Variants in CADM2 observed in about 807,000 individuals in gnomAD.
The protein encoded by CADM2 is cell adhesion molecule 2.
CADM2 carries 12 observed loss-of-function variants against 49.8 expected under a neutral mutation model. The ratio of observed to expected loss-of-function variants is 0.24; its 90% CI spans 0.15 to 0.39. The LOEUF (loss-of-function observed/expected upper bound fraction) is 0.39, where lower values mean the gene tolerates loss of function less well. CADM2 is among the 10% of genes least tolerant of loss of function. The probability of loss-of-function intolerance (pLI) is 1.00; values close to 1 mark genes in which losing one functional copy is unlikely to be tolerated. For missense variants in CADM2, 378 were observed against 492.3 expected (o/e 0.77, Z 2.20); for synonymous variants, 214 against 175.4 (o/e 1.22, Z -1.74).
chr3:85,809,784 C>T (rs1428831792), intron 3 of CADM2, among the ~76,000 whole-genome samples: 8 of 96,614 alleles, frequency 8.3e-5, no homozygotes, highest in South Asian at 4.3e-4. Flanking sequence ...CTCTCTCTCT[C>T]TCTCTCTCTT....
chr3:85,331,769 C>T (rs962269543), intron 1 of CADM2, among the ~76,000 whole-genome samples: 1 of 152,026 alleles, frequency 6.6e-6, no homozygotes, highest in Non-Finnish European at 1.5e-5. Flanking sequence ...TTCTCCACAT[C>T]CTCACCAGCA....
chr3:85,247,891 G>A (rs566703558), intron 1 of CADM2, among the ~76,000 whole-genome samples: 1 of 152,140 alleles, frequency 6.6e-6, no homozygotes, highest in African/African-American at 2.4e-5. Flanking sequence ...AGTGTCTTAT[G>A]TAAAACAGAT....
chr3:84,962,140 C>CAATAAATAAATAAATA (rs34672884), intron 1 of CADM2, among the ~76,000 whole-genome samples: 2 of 148,368 alleles, frequency 1.3e-5, no homozygotes, highest in African/African-American at 2.5e-5. Flanking sequence ...GCATTAGGTC[C>CAATAAATAAATAAATA]AATAAATAAA....
chr3:86,051,026 G>A (rs926441410), intron 8 of CADM2, among the ~76,000 whole-genome samples: 1 of 152,006 alleles, frequency 6.6e-6, no homozygotes, highest in Admixed American at 6.6e-5. Flanking sequence ...CTACCACATG[G>A]CCAGGTTGAA....
At chr3:86,028,384 C>T (rs551160646) in intron 8 of CADM2, among the ~76,000 whole-genome samples, 111 of 152,168 alleles carry the variant, frequency 7.3e-4, no homozygotes, top group African/African-American at 2.6e-3. Flanking sequence ...ATTTTCAATG[C>T]TTCCACTCTA....
At chr3:85,635,066 A>G (rs1396022641) in intron 1 of CADM2, among the ~76,000 whole-genome samples, 3 of 152,092 alleles carry the variant, frequency 2.0e-5, no homozygotes, top group Non-Finnish European at 4.4e-5. Context: ...GTCACATATT[A>G]AAGGCTTAAA....
At chr3:85,659,098 T>A (rs1229156187) in intron 1 of CADM2, among the ~76,000 whole-genome samples, 3 of 131,742 alleles carry the variant, frequency 2.3e-5, no homozygotes, top group African/African-American at 2.8e-5. Context: ...ATAAATTTTT[T>A]AAAACTCTAC....
chr3:85,225,016 G>T (rs2042125079), intron 1 of CADM2, among the ~76,000 whole-genome samples: 1 of 152,278 alleles, frequency 6.6e-6, no homozygotes, highest in South Asian at 2.1e-4. Context: ...TTATAGTATA[G>T]TTTGAGGTCA....
At chr3:86,006,851 G>A (rs1434182985) in intron 8 of CADM2, among the ~76,000 whole-genome samples, 1 of 151,916 alleles carries the variant, frequency 6.6e-6, no homozygotes, top group Non-Finnish European at 1.5e-5. Flanking sequence ...GACAAGCCTG[G>A]CCAACATGGT....
chr3:85,388,127 C>G (rs1015798008), intron 1 of CADM2, among the ~76,000 whole-genome samples: 5 of 152,106 alleles, frequency 3.3e-5, no homozygotes, highest in African/African-American at 1.2e-4. Context: ...CTCCTGGGCT[C>G]GAGCGATACT....
chr3:85,615,063 T>G (rs2063764772), intron 1 of CADM2, among the ~76,000 whole-genome samples: 1 of 151,988 alleles, frequency 6.6e-6, no homozygotes. Context: ...AATGTGCATG[T>G]GTATATCAAA....
chr3:85,028,069 T>C (rs887964404), intron 1 of CADM2, among the ~76,000 whole-genome samples: 6 of 152,218 alleles, frequency 3.9e-5, no homozygotes, highest in African/African-American at 1.4e-4. Flanking sequence ...CTTGTATTCA[T>C]AGGATATGTG....
At chr3:85,387,609 T>C (rs1328204149) in intron 1 of CADM2, among the ~76,000 whole-genome samples, 1 of 152,234 alleles carries the variant, frequency 6.6e-6, no homozygotes. Flanking sequence ...AAAATTTATA[T>C]TAACTGGTTC....
chr3:84,967,021 A>G (rs2031052827), intron 1 of CADM2, among the ~76,000 whole-genome samples: 2 of 152,026 alleles, frequency 1.3e-5, no homozygotes, highest in African/African-American at 4.8e-5. Context: ...AAAAAGTCAA[A>G]TTGAGTTTCT....
At chr3:85,094,586 T>A (rs1259358200) in intron 1 of CADM2, among the ~76,000 whole-genome samples, 2 of 152,046 alleles carry the variant, frequency 1.3e-5, no homozygotes, top group Non-Finnish European at 2.9e-5. Context: ...TTCTACTGAG[T>A]TTTCTTTAAA....
chr3:86,026,236 GTTTAAA>G (rs1260832245), intron 8 of CADM2, among the ~76,000 whole-genome samples: 1 of 152,028 alleles, frequency 6.6e-6, no homozygotes, highest in Non-Finnish European at 1.5e-5. Flanking sequence ...ATTTAACTGT[GTTTAAA>G]TTTAAAACAT....
At chr3:85,975,354 G>A (rs1726647759) in intron 8 of CADM2, among the ~76,000 whole-genome samples, 1 of 150,860 alleles carries the variant, frequency 6.6e-6, no homozygotes, top group Admixed American at 6.7e-5. Context: ...TTAACAGCCT[G>A]AAAACTATTG....
At chr3:85,556,249 G>C (rs1449302697) in intron 1 of CADM2, among the ~76,000 whole-genome samples, 1 of 152,092 alleles carries the variant, frequency 6.6e-6, no homozygotes, top group Non-Finnish European at 1.5e-5. Context: ...AATATATTTA[G>C]TATTCGTATG....
At chr3:85,704,969 C>CT (rs2066896001) in intron 1 of CADM2, among the ~76,000 whole-genome samples, 1 of 150,724 alleles carries the variant, frequency 6.6e-6, no homozygotes, top group Non-Finnish European at 1.5e-5. Flanking sequence ...CGCCATCCTA[C>CT]TGCCTAAACC....
Sources: gnomAD v4.1 joint callset for allele counts (sites outside exome capture counted in the v4.1 genomes callset) on GRCh38, gnomAD v4.1.1 for gene constraint, MANE v1.5 for transcripts, NCBI Gene and HGNC (gene_info 2026-07-23, HGNC 2026-07-21) for gene names.